Variants in NQO2 observed in about 807,000 individuals in gnomAD.
NQO2 encodes the protein ribosyldihydronicotinamide dehydrogenase [quinone].
A neutral mutation model predicts 22.0 loss-of-function variants in NQO2; 18 were observed. That is an observed-to-expected ratio of 0.82 (90% CI 0.56 to 1.21). NQO2 has a LOEUF of 1.21. NQO2 is among the 50% of genes most tolerant of loss of function. The pLI, the probability that NQO2 is intolerant of heterozygous loss-of-function variation, is 0.00. For missense variants in NQO2, 267 were observed against 286.9 expected (o/e 0.93, Z 0.50); for synonymous variants, 106 against 110.8 (o/e 0.96, Z 0.28).
intron 1 of NQO2, chr6:3,002,334 A>T: frequency 1.3e-6 from 1 of 745,184 alleles, no homozygotes; most frequent in Non-Finnish European, 1.6e-6. Context: ...TTTGAGACAG[A>T]GTCTTGCTCT....
chr6:3,004,952 G>A (rs1309884820), intron 1 of NQO2, among the ~76,000 whole-genome samples: 2 of 151,994 alleles, frequency 1.3e-5, no homozygotes, highest in South Asian at 2.1e-4. Context: ...ACACCACCAC[G>A]CCCGGCTAAT....
chr6:3,004,919 C>T (rs772331659), intron 1 of NQO2, among the ~76,000 whole-genome samples: 4 of 152,058 alleles, frequency 2.6e-5, no homozygotes, highest in East Asian at 1.9e-4. Context: ...CTCAGCCTCC[C>T]GAGTAGCTGG....
chr6:3,002,624 C>G (rs1756772937), intron 1 of NQO2, among the ~76,000 whole-genome samples: 1 of 151,816 alleles, frequency 6.6e-6, no homozygotes, highest in Admixed American at 6.6e-5. Context: ...TTCCATATTA[C>G]TCTCCAGCTT....
At chr6:3,016,139 T>C (rs1757317488) in intron 5 of NQO2, among the ~76,000 whole-genome samples, 1 of 152,136 alleles carries the variant, frequency 6.6e-6, no homozygotes, top group Admixed American at 6.5e-5. Flanking sequence ...ACTAAAACAA[T>C]GATTTTTAAG....
intron 2 of NQO2, among the ~76,000 whole-genome samples, chr6:3,007,730 T>A (rs1460508195): frequency 6.6e-6 from 1 of 152,242 alleles, no homozygotes; most frequent in Non-Finnish European, 1.5e-5. Flanking sequence ...GTCCTCTTTG[T>A]TATCAGCATC....
chr6:3,007,240 C>A (rs1756984228), intron 2 of NQO2, among the ~76,000 whole-genome samples: 1 of 152,176 alleles, frequency 6.6e-6, no homozygotes, highest in South Asian at 2.1e-4. Flanking sequence ...ACCCCTCCCC[C>A]ACCGGCTGTG....
intron 3 of NQO2, among the ~76,000 whole-genome samples, 194 bp downstream of exon 3, chr6:3,010,383 A>G (rs1165940510): frequency 1.3e-5 from 2 of 151,964 alleles, no homozygotes; most frequent in African/African-American, 2.4e-5. Flanking sequence ...AGTTCCCAAG[A>G]CCACACATAA....
intron 1 of NQO2, among the ~76,000 whole-genome samples, chr6:3,005,143 T>G (rs1479094134): frequency 6.6e-6 from 1 of 152,210 alleles, no homozygotes; most frequent in Admixed American, 6.5e-5. Context: ...TTTTCATTCA[T>G]GTACTGATAG....
At chr6:3,016,430 C>CAAAAA (rs36118697) in intron 5 of NQO2, among the ~76,000 whole-genome samples, 35 of 85,694 alleles carry the variant, frequency 4.1e-4, no homozygotes, top group African/African-American at 1.5e-3. Flanking sequence ...GACTCTGTCT[C>CAAAAA]AAAAAAAAAA....
At position 3,008,941 on chromosome 6, in the gene NQO2, G is replaced by A. The variant is rs544679954; in HGVS notation, c.8-1084G>A. 3.9e-4 allele frequency among the ~76,000 whole-genome samples: 60 copies of A among 152,224 alleles called. 1 individual carries two copies. Among genetic ancestry groups the A allele is most frequent in the African/African-American group, 1.0e-3 (42 of 41,508 alleles). On this transcript the variant is annotated intron_variant, in intron 2 of 6. Coordinates refer to ENST00000380455, the MANE Select transcript of NQO2 (RefSeq NM_000904.6). ...ATCACAAAGCAAATGGAGGCAGGGC[G>A]AGATCACAGGACCACGGGACGGGGC...
At chr6:3,017,081 C>T in intron 6 of NQO2, 96 bp downstream of exon 6, 2 of 1,409,348 alleles carry the variant, frequency 1.4e-6, no homozygotes, top group Non-Finnish European at 1.9e-6. Flanking sequence ...CACACACATA[C>T]ATGCCCTCAG....
chr6:3,019,380 A>G (rs565253482), intron 6 of NQO2, 99 bp from the exon 7 acceptor site: 3 of 1,452,194 alleles, frequency 2.1e-6, no homozygotes, highest in East Asian at 4.7e-5. Flanking sequence ...GATTTTTTGA[A>G]GGTTTGTTTC....
At chr6:3,012,856 C>A (rs1379596877) in intron 4 of NQO2, among the ~76,000 whole-genome samples, 182 bp downstream of exon 4, 1 of 151,494 alleles carries the variant, frequency 6.6e-6, no homozygotes, top group African/African-American at 2.4e-5. Context: ...CCTAGTTACA[C>A]CACTTCACCT....
intron 2 of NQO2, among the ~76,000 whole-genome samples, chr6:3,008,157 C>A (rs536953385): frequency 3.1e-4 from 47 of 152,312 alleles, no homozygotes; most frequent in Admixed American, 2.2e-3. Context: ...GTGGCTCATA[C>A]CAGTAATCCC....
chr6:3,001,696 A>G (rs527532547), intron 1 of NQO2, among the ~76,000 whole-genome samples: 1 of 152,372 alleles, frequency 6.6e-6, no homozygotes, highest in South Asian at 2.1e-4. Flanking sequence ...GGCACAGGAA[A>G]AAAAGTGAAA....
intron 6 of NQO2, 97 bp downstream of exon 6, chr6:3,017,082 A>G (rs577264772): frequency 1.8e-5 from 25 of 1,387,482 alleles, no homozygotes; most frequent in Non-Finnish European, 1.7e-5. Flanking sequence ...ACACACATAC[A>G]TGCCCTCAGC....
intron 2 of NQO2, among the ~76,000 whole-genome samples, chr6:3,008,962 G>A (rs374185233): frequency 5.9e-5 from 9 of 151,426 alleles, no homozygotes; most frequent in East Asian, 1.9e-4. Flanking sequence ...ACCACGGGAC[G>A]GGGCGAAATT....
intron 2 of NQO2, among the ~76,000 whole-genome samples, chr6:3,008,999 C>G (rs1347141016): frequency 7.1e-6 from 1 of 141,024 alleles, no homozygotes; most frequent in African/African-American, 2.7e-5. Flanking sequence ...TTTTGGGCAC[C>G]ATTGTCATTG....
intron 6 of NQO2, among the ~76,000 whole-genome samples, chr6:3,019,102 A>G (rs1441072719): frequency 6.6e-6 from 1 of 152,210 alleles, no homozygotes; most frequent in African/African-American, 2.4e-5. Flanking sequence ...GATATCTTGA[A>G]CAAACTTCCA....
Sources: allele counts gnomAD v4.1 joint callset (sites outside exome capture counted in the v4.1 genomes callset), GRCh38; gene constraint gnomAD v4.1.1; transcripts MANE v1.5; gene names NCBI Gene and HGNC (gene_info 2026-07-23, HGNC 2026-07-21).